The following PIK3R2 variants were observed in gnomAD, a reference collection of about 807,000 sequenced individuals.
PIK3R2 encodes the protein phosphoinositide-3-kinase regulatory subunit 2.
PIK3R2 carries 40 observed loss-of-function variants against 78.5 expected under a neutral mutation model. The ratio of observed to expected loss-of-function variants is 0.51; its 90% CI spans 0.40 to 0.66. The LOEUF (loss-of-function observed/expected upper bound fraction) is 0.66. Ranked by LOEUF, PIK3R2 falls within the 30% of genes least tolerant of loss-of-function variation. The pLI is 0.00. For missense variants in PIK3R2, 880 were observed against 1,026.6 expected (o/e 0.86, Z 1.95); for synonymous variants, 473 against 457.7 (o/e 1.03, Z -0.43).
intron 9 of PIK3R2, 138 bp downstream of exon 9, chr19:18,162,644 G>A: frequency 1.4e-6 from 1 of 715,610 alleles, no homozygotes; most frequent in Non-Finnish European, 2.3e-6. Flanking sequence ...AGCACTTTGG[G>A]AGGCTGAGGC....
chr19:18,154,136 C>A (rs1379790568), intron 1 of PIK3R2, among the ~76,000 whole-genome samples: 1 of 152,162 alleles, frequency 6.6e-6, no homozygotes, highest in Non-Finnish European at 1.5e-5. Flanking sequence ...GCCTGTCGCG[C>A]CTTCCTATCC....
chr19:18,163,220 G>A (rs775850589), intron 10 of PIK3R2, 43 bp from the exon 11 acceptor site: 12 of 1,613,798 alleles, frequency 7.4e-6, no homozygotes, highest in South Asian at 2.2e-5. Flanking sequence ...AGGTAGACCC[G>A]ACCAGGCTAT....
In PIK3R2 at chr19:18,161,894, C is replaced by T. The variant is rs967825031; in HGVS notation, c.816-72C>T. ...ATATACCCCCAGGCGTGCAAGCGCACGCACAATCCTGTGCACATGCGTGGG... is the reference window on the plus strand; with the variant it reads ...ATATACCCCCAGGCGTGCAAGCGCATGCACAATCCTGTGCACATGCGTGGG... On this transcript the variant is annotated intron_variant, in intron 6 of 15. Coordinates refer to ENST00000222254, the MANE Select transcript of PIK3R2 (RefSeq NM_005027.4). This position sits in a 1 kb window ranked among gnomAD's most constrained non-coding sequence, Gnocchi z 5.3. 3.1e-6 allele frequency: 4 copies of T among 1,280,220 alleles called. No individual in the cohort carries two copies. Among genetic ancestry groups the T allele is most frequent in the Non-Finnish European group, 4.6e-6 (4 of 878,956 alleles). The allele number at this position is 1,280,220 out of a possible 1,614,324, so 79.3% of individuals were successfully genotyped here.
chr19:18,168,470 C>T lies in PIK3R2; in HGVS notation c.1737-5C>T, dbSNP rs1008118130. The T allele has an allele frequency of 2.6e-6, 2 of 779,880 alleles. No individual in the cohort carries two copies. Among genetic ancestry groups the T allele is most frequent in the South Asian group, 1.3e-5 (1 of 74,452 alleles). The allele number at this position is 779,880 out of a possible 1,614,324, so 48.3% of individuals were successfully genotyped here. On this transcript the variant is annotated splice_region_variant and splice_polypyrimidine_tract_variant and intron_variant, in intron 13 of 15. Transcript: ENST00000222254. The surrounding 1 kb of genome is among the most constrained non-coding windows in gnomAD (Gnocchi z 4.1). ...CACAAGCCCACCTTTCCTGTTCCTT[C>T]TCAGGTGGCTCACCCAGAAAGGCGC... is the stretch of plus-strand genomic sequence containing the variant.
rs1317050980 is a variant in PIK3R2, at chr19:18,162,216, C to T, written c.916C>T (p.Pro306Ser). Residue 306 changes from proline to serine, a missense_variant, in exon 8 of 16, where the codon CCC becomes TCC. Physicochemically the swap from Pro to Ser is moderately conservative, Grantham distance 74. Around this residue, in one of 3 missense-constraint regions of PIK3R2, gnomAD observed 456 missense variants for 486.6 expected, o/e 0.94. Transcript: ENST00000222254. Reference sequence around the variant, plus strand: ...CTGTCCCCCAGCGCTGCCGCCTAAACCCCCCAAGGCAAAGCCGGCCTCCAC... The same window carrying T: ...CTGTCCCCCAGCGCTGCCGCCTAAATCCCCCAAGGCAAAGCCGGCCTCCAC... Reference protein sequence around the residue: ...EVAPPALPPKPPKAKPASTVL... With the variant: ...EVAPPALPPKSPKAKPASTVL... 6.3e-7 allele frequency: 1 copy of T among 1,575,462 alleles called. No individual in the cohort carries two copies. The highest frequency in any genetic ancestry group is 1.3e-5 in the African/African-American group (1 of 74,390).
chr19:18,154,805 G>A (rs113062304), intron 1 of PIK3R2, among the ~76,000 whole-genome samples: 1,383 of 137,546 alleles, frequency 0.01, 28 homozygotes, highest in African/African-American at 0.033. Context: ...GGCCGGGCGC[G>A]GTGGCTCACA....
intron 2 of PIK3R2, among the ~76,000 whole-genome samples, chr19:18,157,252 C>T (rs745714441): frequency 6.6e-6 from 1 of 152,194 alleles, no homozygotes; most frequent in African/African-American, 2.4e-5. Context: ...CGTCCTGCCT[C>T]GGCCTGAAGG....
intron 2 of PIK3R2, among the ~76,000 whole-genome samples, chr19:18,160,107 G>A (rs2043725410): frequency 6.6e-6 from 1 of 152,204 alleles, no homozygotes; most frequent in Admixed American, 6.5e-5. Context: ...CTGGTCTCAT[G>A]TACAGATTCT....
chr19:18,157,734 CTT>C (rs55946610), intron 2 of PIK3R2, among the ~76,000 whole-genome samples: 2 of 127,060 alleles, frequency 1.6e-5, no homozygotes, highest in Admixed American at 8.3e-5. Flanking sequence ...TGTCCTTTTC[CTT>C]TTTTTTTTTT....
chr19:18,160,857 C>A, intron 3 of PIK3R2, 62 bp from the exon 4 acceptor site: 1 of 1,553,170 alleles, frequency 6.4e-7, no homozygotes, highest in South Asian at 1.2e-5. Flanking sequence ...AGCGGCCAGT[C>A]CAGGCCTCAC....
rs1017764412 is a variant in PIK3R2, at chr19:18,161,250, C to T, written c.599-29C>T. Reference sequence around the variant, plus strand: ...AGCGGGTGGGAGGGCCCAGGCCTGGCTCACCCTGCCCTGGCCATCTGTCCG... The same window carrying T: ...AGCGGGTGGGAGGGCCCAGGCCTGGTTCACCCTGCCCTGGCCATCTGTCCG... On this transcript the variant is annotated intron_variant, in intron 5 of 15. Coordinates refer to ENST00000222254, the MANE Select transcript of PIK3R2 (RefSeq NM_005027.4). The surrounding 1 kb of genome is among the most constrained non-coding windows in gnomAD (Gnocchi z 5.3). The T allele has an allele frequency of 6.7e-7, 1 of 1,481,672 alleles. No individual in the cohort carries two copies. The highest frequency in any genetic ancestry group is 8.9e-7 in the Non-Finnish European group (1 of 1,120,714). 91.8% of individuals were successfully genotyped at this position (1,481,672 alleles called of 1,614,324 possible).
intron 11 of PIK3R2, among the ~76,000 whole-genome samples, chr19:18,165,523 A>T (rs1226341875): frequency 6.6e-6 from 1 of 152,006 alleles, no homozygotes; most frequent in Non-Finnish European, 1.5e-5. Flanking sequence ...CAAGAGCAAG[A>T]CTCCATCTCA....
chr19:18,162,879 C>G, intron 9 of PIK3R2, 88 bp from the exon 10 acceptor site: 1 of 1,250,072 alleles, frequency 8.0e-7, no homozygotes, highest in Non-Finnish European at 1.1e-6. Flanking sequence ...AACAGAGCAG[C>G]AAGACTCTGT....
At position 18,156,302 on chromosome 19, in the gene PIK3R2, A is replaced by T. The variant is rs2043679616; in HGVS notation, c.322+101A>T. On this transcript the variant is annotated intron_variant, in intron 2 of 15. Coordinates refer to ENST00000222254, the MANE Select transcript of PIK3R2 (RefSeq NM_005027.4). The surrounding 1 kb of genome is among the most constrained non-coding windows in gnomAD (Gnocchi z 4.2). ...CAATGGGATCTCCAAGGAAGGAGGA[A>T]AAAGGACATTTGGTCATTTGACAAG... The T allele has an allele frequency of 1.1e-6, 1 of 950,100 alleles. No homozygotes were observed. The allele number at this position is 950,100 out of a possible 1,614,324, so 58.9% of individuals were successfully genotyped here.
Position 18,169,326 on chromosome 19 carries a change from C to T in PIK3R2, c.*32C>T, listed in dbSNP as rs2043845534. 1 of 1,307,854 alleles carries T rather than the reference C, an allele frequency of 7.6e-7. No individual in the cohort carries two copies. Among genetic ancestry groups the T allele is most frequent in the Non-Finnish European group, 9.8e-7 (1 of 1,021,988 alleles). 81.0% of individuals were successfully genotyped at this position (1,307,854 alleles called of 1,614,324 possible). Reference sequence around the variant, plus strand: ...AGGACCCGCCCCAAGCAGAGCCGCCCCTGGGCCCGTCTGCGCCGGAGGCTG... The same window carrying T: ...AGGACCCGCCCCAAGCAGAGCCGCCTCTGGGCCCGTCTGCGCCGGAGGCTG... On this transcript the variant is annotated 3_prime_UTR_variant, in exon 16 of 16. Coordinates refer to ENST00000222254, the MANE Select transcript of PIK3R2 (RefSeq NM_005027.4).
Position 18,166,141 on chromosome 19 carries a change from G to A in PIK3R2, c.1417-19G>A. ...TTTGGGGAGTCCCAGGAGGTGCTGAGCTGCGCCCCCTCCTCCAGGAGCTGC... is the reference window on the plus strand; with the variant it reads ...TTTGGGGAGTCCCAGGAGGTGCTGAACTGCGCCCCCTCCTCCAGGAGCTGC... On this transcript the variant is annotated intron_variant, in intron 11 of 15. Coordinates refer to ENST00000222254, the MANE Select transcript of PIK3R2 (RefSeq NM_005027.4). 1 of 1,613,676 alleles carries A rather than the reference G, an allele frequency of 6.2e-7. No homozygotes were observed. Among genetic ancestry groups the A allele is most frequent in the East Asian group, 2.2e-5 (1 of 44,878 alleles).
Position 18,168,456 on chromosome 19 carries a change from CT to C in PIK3R2, c.1737-16del, listed in dbSNP as rs1568639920. ...CACCCACACAACTGCACAAGCCCACCTTTCCTGTTCCTTCTCAGGTGGCTCA... is the reference window on the plus strand; with the variant it reads ...CACCCACACAACTGCACAAGCCCACCTTCCTGTTCCTTCTCAGGTGGCTCA... On this transcript the variant is annotated intron_variant, in intron 13 of 15. Transcript: ENST00000222254. This position sits in a 1 kb window ranked among gnomAD's most constrained non-coding sequence, Gnocchi z 4.1. The C allele has an allele frequency of 3.9e-6, 3 of 778,702 alleles. No homozygotes were observed. The highest frequency in any genetic ancestry group is 7.2e-6 in the Non-Finnish European group (3 of 417,188). 48.2% of individuals were successfully genotyped at this position (778,702 alleles called of 1,614,324 possible). A position where few individuals can be genotyped will look rare whatever the true frequency, so the allele number is the denominator to read the frequency against.
At chr19:18,166,679 C>T (rs2043813722) in intron 12 of PIK3R2, among the ~76,000 whole-genome samples, 2 of 136,888 alleles carry the variant, frequency 1.5e-5, no homozygotes, top group East Asian at 2.1e-4. Flanking sequence ...CACTGCACTC[C>T]AGCTTGGGTG....
rs781445775 is a variant in PIK3R2, at chr19:18,168,829, G to C, written c.1912G>C (p.Gly638Arg). The change falls in exon 15 of 16, where the codon GGC (glycine) becomes CGC (arginine). Residue 638 changes from glycine to arginine, a missense_variant. Around this residue, in one of 3 missense-constraint regions of PIK3R2, gnomAD observed 268 missense variants for 299.1 expected, o/e 0.90. Transcript: ENST00000222254. The surrounding 1 kb of genome is among the most constrained non-coding windows in gnomAD (Gnocchi z 4.1). Reference protein sequence around the residue: ...NRTQAEEMLSGKRDGTFLIRE... With the variant: ...NRTQAEEMLSRKRDGTFLIRE... ...CACGCAGGCAGAGGAGATGCTGAGT[G>C]GCAAGCGGGATGGCACCTTCCTCAT... 8 of 1,613,598 alleles carry C rather than the reference G, an allele frequency of 5.0e-6. No homozygotes were observed. The African/African-American group carries it at 1.1e-4, about 22-fold the overall frequency.
Sources: allele counts gnomAD v4.1 joint callset (sites outside exome capture counted in the v4.1 genomes callset), GRCh38; gene constraint gnomAD v4.1.1; regional missense constraint gnomAD v4.1.1; non-coding constraint Gnocchi (gnomAD v3.1); transcripts MANE v1.5; gene names NCBI Gene and HGNC (gene_info 2026-07-23, HGNC 2026-07-21).